SORBS2: variants seen among roughly 807,000 people sequenced by gnomAD.
The protein encoded by SORBS2 is sorbin and SH3 domain-containing protein 2.
Under a neutral mutation model 97.7 loss-of-function variants are expected in SORBS2, and 46 were observed. The ratio of observed to expected loss-of-function variants is 0.47; its 90% CI spans 0.37 to 0.60. The LOEUF (loss-of-function observed/expected upper bound fraction) is 0.60. SORBS2 is among the 20% of genes least tolerant of loss of function. The pLI, the probability that SORBS2 is intolerant of heterozygous loss-of-function variation, is 0.00. For synonymous variants in SORBS2, 476 were observed against 473.4 expected (o/e 1.01, Z -0.07); for missense variants, 1,316 against 1,282.3 (o/e 1.03, Z -0.40).
intron 2 of SORBS2, among the ~76,000 whole-genome samples, chr4:185,719,329 C>T (rs559904162): frequency 1.3e-5 from 2 of 152,154 alleles, no homozygotes; most frequent in African/African-American, 4.8e-5. Context: ...CTCAAACCAG[C>T]GTGAACTGTA....
At position 185,684,185 on chromosome 4, in the gene SORBS2, T is replaced by A. The variant is rs1005157387; in HGVS notation, c.-197-5363A>T. Among the ~76,000 whole-genome samples, 1 of 152,196 alleles carries A rather than the reference T, an allele frequency of 6.6e-6. No homozygotes were observed. Among genetic ancestry groups the A allele is most frequent in the South Asian group, 2.1e-4 (1 of 4,828 alleles). On this transcript the variant is annotated intron_variant, in intron 2 of 20. Coordinates refer to the SORBS2 transcript ENST00000284776. This position sits in a 1 kb window ranked among gnomAD's most constrained non-coding sequence, Gnocchi z 4.2. ...AACTTCGGTACTGTGGCTTAGGTAG[T>A]CACAACAGAGATTTATTAAAAAGAG...
intron 1 of SORBS2, among the ~76,000 whole-genome samples, chr4:185,869,355 TA>T (rs1265996887): frequency 3.9e-5 from 6 of 152,206 alleles, no homozygotes; most frequent in African/African-American, 1.2e-4. Flanking sequence ...ATACAAGGTT[TA>T]TTTTTTTCTA....
intron 2 of SORBS2, among the ~76,000 whole-genome samples, chr4:185,721,773 G>A (rs1288464098): frequency 6.6e-6 from 1 of 152,192 alleles, no homozygotes; most frequent in South Asian, 2.1e-4. Flanking sequence ...CTTAGAAGAC[G>A]AAATCAATCA....
chr4:185,738,576 C>T (rs148562386), intron 2 of SORBS2, among the ~76,000 whole-genome samples: 14 of 152,192 alleles, frequency 9.2e-5, no homozygotes, highest in African/African-American at 3.4e-4. Context: ...TATTTTTTCC[C>T]ATATCTGGTC....
At chr4:185,649,222 A>C (rs1287590185) in intron 3 of SORBS2, among the ~76,000 whole-genome samples, 1 of 152,226 alleles carries the variant, frequency 6.6e-6, no homozygotes. Flanking sequence ...TGTATTGATC[A>C]AAAAGCAGAA....
chr4:185,889,138 C>T (rs567088072), intron 1 of SORBS2, among the ~76,000 whole-genome samples: 1 of 152,136 alleles, frequency 6.6e-6, no homozygotes. Context: ...TTCTTCCATT[C>T]CAAGGTTAAA....
intron 1 of SORBS2, among the ~76,000 whole-genome samples, chr4:185,798,878 C>T (rs933818912): frequency 7.9e-5 from 12 of 152,182 alleles, no homozygotes; most frequent in Non-Finnish European, 1.8e-4. Context: ...AGGTCTTCTC[C>T]ATTCCCATTT....
chr4:185,668,777 C>A (rs2097660630), intron 4 of SORBS2, among the ~76,000 whole-genome samples: 1 of 152,158 alleles, frequency 6.6e-6, no homozygotes, highest in South Asian at 2.1e-4. Context: ...AGGTAATCAT[C>A]CTAATTGTTT....
intron 1 of SORBS2, among the ~76,000 whole-genome samples, chr4:185,924,042 T>C (rs1475735658): frequency 6.6e-6 from 1 of 152,170 alleles, no homozygotes; most frequent in African/African-American, 2.4e-5. Flanking sequence ...TATCTCCAGG[T>C]GGTACAGCAG....
intron 2 of SORBS2, among the ~76,000 whole-genome samples, chr4:185,707,226 G>T (rs1307825806): frequency 1.3e-5 from 2 of 152,030 alleles, no homozygotes; most frequent in African/African-American, 4.8e-5. Context: ...GCAAAGAAAC[G>T]CCAAACCACA....
At chr4:185,948,493 G>A (rs1026657007) in intron 1 of SORBS2, among the ~76,000 whole-genome samples, 2 of 150,264 alleles carry the variant, frequency 1.3e-5, no homozygotes, top group Admixed American at 1.3e-4. Context: ...TTGTGATTAG[G>A]AGAGTAATGA....
chr4:185,797,771 C>T (rs933462983), intron 1 of SORBS2, among the ~76,000 whole-genome samples: 17 of 152,136 alleles, frequency 1.1e-4, no homozygotes, highest in African/African-American at 4.1e-4. Flanking sequence ...TCCATGCCCC[C>T]ACACCACCCC....
chr4:185,727,991 G>A (rs2098573448), intron 2 of SORBS2, among the ~76,000 whole-genome samples: 1 of 152,034 alleles, frequency 6.6e-6, no homozygotes, highest in East Asian at 1.9e-4. Context: ...AACTATACAT[G>A]GTCAATTTCT....
chr4:185,638,347 C>T (rs536159212), intron 4 of SORBS2, among the ~76,000 whole-genome samples, 185 bp from the exon 15 acceptor site: 1 of 152,300 alleles, frequency 6.6e-6, no homozygotes, highest in South Asian at 2.1e-4. Flanking sequence ...GATGTGAAGG[C>T]GAGCTCCATG....
chr4:185,922,711 T>C (rs896700883), intron 1 of SORBS2, among the ~76,000 whole-genome samples: 2 of 152,236 alleles, frequency 1.3e-5, no homozygotes, highest in East Asian at 3.8e-4. Flanking sequence ...AGACTTTCTG[T>C]ATTTCTTAAC....
intron 1 of SORBS2, among the ~76,000 whole-genome samples, chr4:185,953,350 T>A (rs1202852454): frequency 6.6e-6 from 1 of 152,146 alleles, no homozygotes; most frequent in Non-Finnish European, 1.5e-5. Flanking sequence ...ATAATATGTT[T>A]CCCAGACTCC....
At chr4:185,662,387 G>A in intron 4 of SORBS2, 145 bp from the exon 8 acceptor site, 1 of 782,604 alleles carries the variant, frequency 1.3e-6, no homozygotes, top group Non-Finnish European at 2.0e-6. Context: ...GATGTCAGAG[G>A]GCATGCTACA....
At chr4:185,903,660 T>C (rs144085965) in intron 1 of SORBS2, among the ~76,000 whole-genome samples, 6 of 152,334 alleles carry the variant, frequency 3.9e-5, no homozygotes, top group South Asian at 4.1e-4. Flanking sequence ...CTTCAGGCTA[T>C]GTCTTTGCAT....
At chr4:185,597,847 A>G (rs1317202626) in intron 12 of SORBS2, among the ~76,000 whole-genome samples, 4 of 152,208 alleles carry the variant, frequency 2.6e-5, no homozygotes, top group Non-Finnish European at 5.9e-5. Context: ...TTTTTATCCA[A>G]GTTCCCAAGG....
Sources: gnomAD v4.1 joint callset for allele counts (sites outside exome capture counted in the v4.1 genomes callset) on GRCh38, gnomAD v4.1.1 for gene constraint, Gnocchi (gnomAD v3.1) non-coding constraint, MANE v1.5 for transcripts, NCBI Gene and HGNC (gene_info 2026-07-23, HGNC 2026-07-21) for gene names.